PNKD: variants seen among roughly 807,000 people sequenced by gnomAD.
The protein encoded by PNKD is PNKD metallo-beta-lactamase domain containing.
Under a neutral mutation model 45.3 loss-of-function variants are expected in PNKD, and 36 were observed. That is an observed-to-expected ratio of 0.80 (90% CI 0.61 to 1.05). The LOEUF (loss-of-function observed/expected upper bound fraction) is 1.05. PNKD is among the 50% of genes least tolerant of loss of function. The pLI is 0.00. For missense variants in PNKD, 511 were observed against 506.6 expected (o/e 1.01, Z -0.08); for synonymous variants, 197 against 210.1 (o/e 0.94, Z 0.54).
At chr2:218,321,176 T>C (rs1341850397) in intron 2 of PNKD, among the ~76,000 whole-genome samples, 1 of 152,232 alleles carries the variant, frequency 6.6e-6, no homozygotes, top group Non-Finnish European at 1.5e-5. Flanking sequence ...TTTTAATTTC[T>C]TGATAGAATG....
At position 218,340,893 on chromosome 2, in the gene PNKD, C is replaced by T. The variant is rs373600914; in HGVS notation, c.524+107C>T. ...CAGAGATCAAGAAGTCAGTACGGGC[C>T]GGCACCCGCCTTCCTCGTGAAGTCA... On this transcript the variant is annotated intron_variant, in intron 5 of 9. Coordinates refer to ENST00000273077, the MANE Select transcript of PNKD (RefSeq NM_015488.5). This position sits in a 1 kb window ranked among gnomAD's most constrained non-coding sequence, Gnocchi z 4.2. 6.7e-5 allele frequency: 60 copies of T among 892,162 alleles called. No homozygotes were observed. The East Asian group carries it at 8.9e-4, about 13-fold the overall frequency. 55.3% of individuals were successfully genotyped at this position (892,162 alleles called of 1,614,324 possible). A position where few individuals can be genotyped will look rare whatever the true frequency, so the allele number is the denominator to read the frequency against.
chr2:218,315,293 C>T (rs1693779578), intron 2 of PNKD, among the ~76,000 whole-genome samples: 1 of 151,784 alleles, frequency 6.6e-6, no homozygotes, highest in South Asian at 2.1e-4. Flanking sequence ...AGGCACGCGC[C>T]ACCACGCCCA....
intron 2 of PNKD, among the ~76,000 whole-genome samples, chr2:218,335,157 AAATAAATAAAT>A (rs1694451627): frequency 1.4e-5 from 2 of 140,648 alleles, no homozygotes; most frequent in African/African-American, 5.0e-5. Flanking sequence ...TCTCTTTAAA[AAATAAATAAAT>A]AAATAAATAA....
chr2:218,279,284 C>A, intron 2 of PNKD: 1 of 1,577,456 alleles, frequency 6.3e-7, no homozygotes, highest in Non-Finnish European at 8.6e-7. Flanking sequence ...AGCCTAGAGA[C>A]TTACACAAAG....
At position 218,340,177 on chromosome 2, in the gene PNKD, T is replaced by A. The variant is rs775711654; in HGVS notation, c.465+36T>A. On this transcript the variant is annotated intron_variant, in intron 4 of 9. Coordinates refer to ENST00000273077, the MANE Select transcript of PNKD (RefSeq NM_015488.5). This position sits in a 1 kb window ranked among gnomAD's most constrained non-coding sequence, Gnocchi z 4.2. ...GGCAGGGAGCAGGGGGTGCCTGGAG[T>A]CACCTTGGGGACTGGCAGTTTCGCC... The A allele has an allele frequency of 7.4e-7, 1 of 1,353,128 alleles. No individual in the cohort carries two copies. Among genetic ancestry groups the A allele is most frequent in the South Asian group, 1.2e-5 (1 of 85,886 alleles). 83.8% of individuals were successfully genotyped at this position (1,353,128 alleles called of 1,614,324 possible).
chr2:218,278,038 A>G (rs2106194752), intron 2 of PNKD: 5 of 1,576,202 alleles, frequency 3.2e-6, no homozygotes, highest in Admixed American at 3.4e-5. Flanking sequence ...AGGCTCCTAC[A>G]GCAGAAGGAA....
chr2:218,295,835 A>T (rs1257964112), intron 2 of PNKD, among the ~76,000 whole-genome samples: 2 of 146,566 alleles, frequency 1.4e-5, no homozygotes, highest in African/African-American at 4.9e-5. Flanking sequence ...CTTCAGATAA[A>T]CAACAAACCT....
intron 2 of PNKD, chr2:218,280,055 G>A (rs756386538): frequency 1.3e-5 from 21 of 1,613,938 alleles, no homozygotes; most frequent in African/African-American, 2.7e-5. Flanking sequence ...CGCACTTTCC[G>A]GTCATCCCAC....
intron 2 of PNKD, among the ~76,000 whole-genome samples, chr2:218,287,021 G>C (rs1226455722): frequency 6.6e-6 from 1 of 152,102 alleles, no homozygotes; most frequent in South Asian, 2.1e-4. Flanking sequence ...TCATAGCCAC[G>C]AGAGCAAATG....
intron 2 of PNKD, chr2:218,272,773 G>C (rs141629745): frequency 1.9e-6 from 3 of 1,613,882 alleles, no homozygotes; most frequent in South Asian, 2.2e-5. Context: ...GGAGCGCTGC[G>C]ACCCTCCTAG....
At chr2:218,299,229 C>A (rs1354274979) in intron 2 of PNKD, among the ~76,000 whole-genome samples, 3 of 152,144 alleles carry the variant, frequency 2.0e-5, no homozygotes, top group Non-Finnish European at 4.4e-5. Flanking sequence ...GCAACCTCCG[C>A]GTCCGAGGTT....
intron 2 of PNKD, among the ~76,000 whole-genome samples, chr2:218,330,386 G>A (rs973934696): frequency 2.0e-5 from 3 of 152,212 alleles, no homozygotes; most frequent in African/African-American, 7.2e-5. Context: ...GTCTGGGGGG[G>A]CAGTGGCTCA....
At position 218,298,765 on chromosome 2, in the gene PNKD, G is replaced by A. The variant is rs116171250; in HGVS notation, c.236+27216G>A. ...TGCCACCTCTGCCAGCCAGAATACC[G>A]GGGGATTCTCAGCTTTCAAGCCCCT... On this transcript the variant is annotated intron_variant, in intron 2 of 9. Coordinates refer to ENST00000273077, the MANE Select transcript of PNKD (RefSeq NM_015488.5). Among the ~76,000 whole-genome samples the A allele has an allele frequency of 8.1e-3, 1,227 of 152,150 alleles. 15 individuals carry two copies. The highest frequency in any genetic ancestry group is 0.015 in the African/African-American group (635 of 41,514).
At chr2:218,271,080 G>A in intron 1 of PNKD, 1 of 517,544 alleles carries the variant, frequency 1.9e-6, no homozygotes, top group Non-Finnish European at 3.5e-6. Context: ...TCCTTCATAC[G>A]TCTTATGTGA....
At chr2:218,297,077 G>A (rs1280637056) in intron 2 of PNKD, among the ~76,000 whole-genome samples, 1 of 152,214 alleles carries the variant, frequency 6.6e-6, no homozygotes, top group African/African-American at 2.4e-5. Flanking sequence ...CAGAGACAAT[G>A]TCTCATTCAC....
intron 2 of PNKD, among the ~76,000 whole-genome samples, chr2:218,320,551 G>C (rs1693959609): frequency 6.6e-6 from 1 of 152,184 alleles, no homozygotes; most frequent in Admixed American, 6.5e-5. Context: ...CTGAGTGACA[G>C]AGTGAGACCC....
intron 2 of PNKD, chr2:218,278,484 CCT>C: frequency 6.2e-7 from 1 of 1,610,168 alleles, no homozygotes; most frequent in Non-Finnish European, 8.5e-7. Flanking sequence ...CCCTGTCACC[CCT>C]CTCACTGTGT....
chr2:218,313,201 C>T (rs1478999999), intron 2 of PNKD, among the ~76,000 whole-genome samples: 7 of 151,840 alleles, frequency 4.6e-5, no homozygotes, highest in Admixed American at 4.6e-4. Context: ...GCCTCCATCT[C>T]CCAGGTTCAA....
intron 2 of PNKD, among the ~76,000 whole-genome samples, chr2:218,309,434 A>G (rs1371348129): frequency 1.3e-5 from 2 of 151,004 alleles, no homozygotes; most frequent in Admixed American, 1.3e-4. Flanking sequence ...AAAAAAAAAA[A>G]AAAAGGAAAG....
Sources: allele counts gnomAD v4.1 joint callset (sites outside exome capture counted in the v4.1 genomes callset), GRCh38; gene constraint gnomAD v4.1.1; non-coding constraint Gnocchi (gnomAD v3.1); transcripts MANE v1.5; gene names NCBI Gene and HGNC (gene_info 2026-07-23, HGNC 2026-07-21).